The following CWC22 variants were observed in gnomAD, a reference collection of about 807,000 sequenced individuals.
The protein encoded by CWC22 is CWC22 spliceosome associated protein.
Under a neutral mutation model 117.2 loss-of-function variants are expected in CWC22, and 53 were observed. The ratio of observed to expected loss-of-function variants is 0.45; its 90% CI spans 0.36 to 0.57. The LOEUF (loss-of-function observed/expected upper bound fraction) is 0.57, where lower values mean the gene tolerates loss of function less well. CWC22 is among the 20% of genes least tolerant of loss of function. The probability of loss-of-function intolerance (pLI) is 0.00; values close to 1 mark genes in which losing one functional copy is unlikely to be tolerated. For missense variants in CWC22, 980 were observed against 1,068.8 expected, an observed-to-expected ratio of 0.92 and a Z score of 1.16; for synonymous variants, 360 against 355.6, an observed-to-expected ratio of 1.01 and a Z score of -0.14.
chr2:179,965,885 ATCTTCTTCTCCCTCTTCC>A lies in CWC22; in HGVS notation c.1290_1307del (p.Glu430_Glu435del). On this transcript the variant is annotated inframe_deletion, in exon 12 of 20. Transcript: ENST00000410053. ...AATATGCTACATGTTTACCTTCTTCATCTTCTTCTCCCTCTTCCTCTTCTTCTTCCTCGTCCTCTTCAC... is the reference window on the plus strand; with the variant it reads ...AATATGCTACATGTTTACCTTCTTCATCTTCTTCTTCCTCGTCCTCTTCAC... 1 of 1,515,634 alleles carries A rather than the reference ATCTTCTTCTCCCTCTTCC, an allele frequency of 6.6e-7. No homozygotes were observed. Among genetic ancestry groups the A allele is most frequent in the Non-Finnish European group, 9.2e-7 (1 of 1,091,274 alleles). 93.9% of individuals were successfully genotyped at this position (1,515,634 alleles called of 1,614,324 possible). A position where few individuals can be genotyped will look rare whatever the true frequency, so the allele number is the denominator to read the frequency against.
At chr2:179,972,818 T>A (rs1320205040) in intron 8 of CWC22, among the ~76,000 whole-genome samples, 1 of 151,690 alleles carries the variant, frequency 6.6e-6, no homozygotes, top group Non-Finnish European at 1.5e-5. Context: ...CCATCCTGGC[T>A]AACATGGTGA....
chr2:179,981,083 T>C (rs1687273287), intron 5 of CWC22, among the ~76,000 whole-genome samples: 1 of 152,204 alleles, frequency 6.6e-6, no homozygotes, highest in Admixed American at 6.5e-5. Context: ...GTCTAATAGA[T>C]CATGATCTGA....
chr2:180,002,384 T>C (rs1455136455), intron 1 of CWC22, among the ~76,000 whole-genome samples: 1 of 152,208 alleles, frequency 6.6e-6, no homozygotes, highest in Non-Finnish European at 1.5e-5. Context: ...GATATTTATA[T>C]TCAGTGGCTG....
At chr2:179,965,790 A>G in intron 12 of CWC22, 88 bp downstream of exon 12, 2 of 1,149,246 alleles carry the variant, frequency 1.7e-6, no homozygotes, top group Non-Finnish European at 2.4e-6. Context: ...TGCTCTCCCC[A>G]AAGATTGAGA....
At chr2:179,988,521 A>T in intron 3 of CWC22, 56 bp downstream of exon 3, 2 of 917,732 alleles carry the variant, frequency 2.2e-6, no homozygotes, top group Non-Finnish European at 3.3e-6. Context: ...CTAAATTATT[A>T]CATAAACCTT....
At chr2:179,971,962 G>C (rs1687045798) in intron 8 of CWC22, among the ~76,000 whole-genome samples, 1 of 152,184 alleles carries the variant, frequency 6.6e-6, no homozygotes, top group Admixed American at 6.5e-5. Flanking sequence ...CTGTACCACA[G>C]CTGGAAGATG....
chr2:179,946,892 T>C (rs948545915), intron 19 of CWC22, among the ~76,000 whole-genome samples: 2 of 152,194 alleles, frequency 1.3e-5, no homozygotes, highest in Admixed American at 1.3e-4. Context: ...TTTACACTCA[T>C]GGGCTTTATT....
rs191322884 is a variant in CWC22, at chr2:179,967,373, G to A, written c.1211-1391C>T. Reference sequence around the variant, plus strand: ...CAAGGACAATTGGATTTCATTAACTGAATAAAGGAGTGGTTTCAAAGCATG... The same window carrying A: ...CAAGGACAATTGGATTTCATTAACTAAATAAAGGAGTGGTTTCAAAGCATG... On this transcript the variant is annotated intron_variant, in intron 11 of 19. Transcript: ENST00000410053. 2.2e-4 allele frequency among the ~76,000 whole-genome samples: 33 copies of A among 152,294 alleles called. 1 individual carries two copies. Among genetic ancestry groups the A allele is most frequent in the South Asian group, 4.2e-4 (2 of 4,818 alleles).
rs1292854375 is a variant in CWC22, at chr2:179,970,791, T to G, written c.1006A>C (p.Ile336Leu). 1 of 1,613,782 alleles carries G rather than the reference T, an allele frequency of 6.2e-7. No homozygotes were observed. The highest frequency in any genetic ancestry group is 8.5e-7 in the Non-Finnish European group (1 of 1,179,746). ...SEIDKRVQYM[I>L]EVMFAVRKDG... ...TTCCGTACAGCAAACATCACTTCAA[T>G]CATATATTGAACTCTTTTGTCAATT... The change falls in exon 10 of 20, where the codon ATT becomes CTT. Residue 336 changes from isoleucine (I) to leucine (L), a missense_variant. Physicochemically the swap from Ile to Leu is conservative, Grantham distance 5. Coordinates refer to ENST00000410053, the MANE Select transcript of CWC22 (RefSeq NM_020943.3).
intron 1 of CWC22, among the ~76,000 whole-genome samples, chr2:179,996,003 C>T (rs538885390): frequency 6.6e-6 from 1 of 152,304 alleles, no homozygotes; most frequent in Non-Finnish European, 1.5e-5. Context: ...TCTGAACCAA[C>T]ACATGTACAA....
intron 3 of CWC22, among the ~76,000 whole-genome samples, chr2:179,988,100 G>A (rs1040461496): frequency 6.6e-6 from 1 of 152,210 alleles, no homozygotes; most frequent in Non-Finnish European, 1.5e-5. Flanking sequence ...CAGGTGATCT[G>A]CCAGGAGGTG....
In CWC22 at chr2:179,954,951, A is replaced by T. The variant is rs766842052; in HGVS notation, c.1536+6T>A. 1 of 1,516,812 alleles carries T rather than the reference A, an allele frequency of 6.6e-7. No homozygotes were observed. Among genetic ancestry groups the T allele is most frequent in the South Asian group, 1.2e-5 (1 of 85,406 alleles). The allele number at this position is 1,516,812 out of a possible 1,614,324, so 94.0% of individuals were successfully genotyped here. ...AAGAATTCCCTCAGTAGAGGCTGGA[A>T]CTCACCCCAGCTAATAAGCCAAAAA... On this transcript the variant is annotated splice_donor_region_variant and intron_variant, in intron 15 of 19. Coordinates refer to ENST00000410053, the MANE Select transcript of CWC22 (RefSeq NM_020943.3).
At chr2:180,001,802 T>C (rs563484483) in intron 1 of CWC22, among the ~76,000 whole-genome samples, 1 of 152,360 alleles carries the variant, frequency 6.6e-6, no homozygotes, top group East Asian at 1.9e-4. Context: ...AATCCCCTTC[T>C]TGAAGTTCTC....
In CWC22 at chr2:179,978,290, C is replaced by A; in HGVS notation, c.481G>T (p.Ala161Ser). 1.3e-6 allele frequency: 2 copies of A among 1,531,892 alleles called. No individual in the cohort carries two copies. The highest frequency in any genetic ancestry group is 1.4e-5 in the African/African-American group (1 of 71,688). The allele number at this position is 1,531,892 out of a possible 1,614,324, so 94.9% of individuals were successfully genotyped here. A position where few individuals can be genotyped will look rare whatever the true frequency, so the allele number is the denominator to read the frequency against. The change falls in exon 6 of 20, where the codon GCC becomes TCC. Residue 161 changes from alanine (A) to serine (S), a missense_variant. Transcript: ENST00000410053. Reference protein sequence around the residue: ...SLAYQRMSWEALKKSINGLIN... With the variant: ...SLAYQRMSWESLKKSINGLIN... ...AGGCCATTAATTGACTTCTTCAGGG[C>A]CTCCCAACTCATCCTCTGGTATGCT...
chr2:179,967,619 T>G (rs754943253), intron 11 of CWC22, among the ~76,000 whole-genome samples: 1 of 152,220 alleles, frequency 6.6e-6, no homozygotes, highest in Non-Finnish European at 1.5e-5. Flanking sequence ...CCTCTTGAAG[T>G]AGAAAGCCAG....
At chr2:179,989,262 T>C (rs1687500623) in intron 2 of CWC22, among the ~76,000 whole-genome samples, 1 of 151,064 alleles carries the variant, frequency 6.6e-6, no homozygotes, top group South Asian at 2.1e-4. Context: ...TTATTATTAT[T>C]ATTATTATTT....
intron 2 of CWC22, among the ~76,000 whole-genome samples, chr2:179,991,424 C>T (rs907004378): frequency 6.6e-6 from 1 of 152,128 alleles, no homozygotes; most frequent in Non-Finnish European, 1.5e-5. Flanking sequence ...CCCATTGTGG[C>T]TAACAGAAAA....
In CWC22 at chr2:179,958,513, A is replaced by T. The variant is rs142520341; in HGVS notation, c.1458+509T>A. Among the ~76,000 whole-genome samples, 1,264 of 152,036 alleles carry T rather than the reference A, an allele frequency of 8.3e-3. 16 individuals carry two copies. The East Asian group carries it at 0.088, about 11-fold the overall frequency. On this transcript the variant is annotated intron_variant, in intron 14 of 19. Coordinates refer to ENST00000410053, the MANE Select transcript of CWC22 (RefSeq NM_020943.3). Reference sequence around the variant, plus strand: ...CCAGGACAGCTTTGAATGAGGCCCAACACAAATTCATAAACTTTCTTAAAA... The same window carrying T: ...CCAGGACAGCTTTGAATGAGGCCCATCACAAATTCATAAACTTTCTTAAAA...
Position 179,945,250 on chromosome 2 carries a change from T to A in CWC22, c.2606A>T (p.Asp869Val). The stretch of plus-strand genomic sequence containing the variant: ...TCTCTCGGCACCATTTTGATATCTA[T>A]CTTCATCACTTCTTGAGCCTGAGTG... ...RKHSGSRSDEDRYQNGAERRW... is the reference protein window; with the variant it reads ...RKHSGSRSDEVRYQNGAERRW... The change falls in exon 20 of 20, where the codon GAT becomes GTT. Residue 869 changes from aspartate (D) to valine (V), a missense_variant. By Grantham distance (152) the Asp-to-Val change is radical. Coordinates refer to ENST00000410053, the MANE Select transcript of CWC22 (RefSeq NM_020943.3). 6.2e-7 allele frequency: 1 copy of A among 1,613,782 alleles called. No individual in the cohort carries two copies. Among genetic ancestry groups the A allele is most frequent in the Non-Finnish European group, 8.5e-7 (1 of 1,179,778 alleles).
Sources: allele counts gnomAD v4.1 joint callset (sites outside exome capture counted in the v4.1 genomes callset), GRCh38; gene constraint gnomAD v4.1.1; transcripts MANE v1.5; gene names NCBI Gene and HGNC (gene_info 2026-07-23, HGNC 2026-07-21).